The following ERGIC1 variants were observed in gnomAD, a reference collection of about 807,000 sequenced individuals.
ERGIC1 encodes endoplasmic reticulum-golgi intermediate compartment 1.
ERGIC1 carries 19 observed loss-of-function variants against 38.3 expected under a neutral mutation model. The ratio of observed to expected loss-of-function variants is 0.50; its 90% CI spans 0.35 to 0.73. The LOEUF (loss-of-function observed/expected upper bound fraction) is 0.73, where lower values mean the gene tolerates loss of function less well. Among genes scored for constraint, ERGIC1 ranks in the 30% least tolerant of loss-of-function variants. The probability of loss-of-function intolerance (pLI) is 0.01; values close to 1 mark genes in which losing one functional copy is unlikely to be tolerated. For synonymous variants in ERGIC1, 124 were observed against 157.6 expected, an observed-to-expected ratio of 0.79 and a Z score of 1.60; for missense variants, 294 against 389.2, an observed-to-expected ratio of 0.76 and a Z score of 2.06.
chr5:172,853,067 G>A (rs1258002386), intron 1 of ERGIC1, among the ~76,000 whole-genome samples: 3 of 152,010 alleles, frequency 2.0e-5, no homozygotes, highest in Middle Eastern at 3.4e-3. Flanking sequence ...GCGCCTGTGT[G>A]TATGTGTAGA....
chr5:172,843,403 CA>C (rs1282259265), intron 1 of ERGIC1, among the ~76,000 whole-genome samples: 4 of 152,212 alleles, frequency 2.6e-5, no homozygotes, highest in Admixed American at 2.6e-4. Flanking sequence ...TGGCACCTCA[CA>C]TGGTGCTATC....
intron 4 of ERGIC1, 130 bp downstream of exon 4, chr5:172,909,891 G>T (rs1488706833): frequency 2.7e-5 from 22 of 804,922 alleles, no homozygotes; most frequent in Non-Finnish European, 2.5e-5. Context: ...TTTTGGAGGA[G>T]AATATAATTG....
chr5:172,921,848 C>T (rs1399745057), intron 5 of ERGIC1, among the ~76,000 whole-genome samples: 1 of 152,244 alleles, frequency 6.6e-6, no homozygotes, highest in East Asian at 1.9e-4. Context: ...ATGCCTTTCG[C>T]TCTCTTCCTG....
intron 1 of ERGIC1, among the ~76,000 whole-genome samples, chr5:172,853,363 G>A (rs2113047509): frequency 6.6e-6 from 1 of 152,304 alleles, no homozygotes; most frequent in South Asian, 2.1e-4. Context: ...CTCCCGTGGT[G>A]GGGGTGGAGG....
chr5:172,910,520 CTTTTTTTTTTTT>C (rs58360974), intron 4 of ERGIC1, among the ~76,000 whole-genome samples: 1 of 139,010 alleles, frequency 7.2e-6, no homozygotes, highest in African/African-American at 2.8e-5. Flanking sequence ...TGAATTACTT[CTTTTTTTTTTTT>C]TTTTTTTTTG....
chr5:172,915,501 T>G lies in ERGIC1; in HGVS notation c.375+663T>G, dbSNP rs546218046. 7.4e-4 allele frequency: 336 copies of G among 456,956 alleles called. 1 individual carries two copies. The highest frequency in any genetic ancestry group is 6.3e-3 in the African/African-American group (313 of 49,944). 28.3% of individuals were successfully genotyped at this position (456,956 alleles called of 1,614,324 possible). ...CTCAGAAGGACCATTCAAGGTTCAC[T>G]GTTGTTTTGTCCTCAGAACCAGGAG... On this transcript the variant is annotated intron_variant, in intron 5 of 9. Coordinates refer to ENST00000393784, the MANE Select transcript of ERGIC1 (RefSeq NM_001031711.3).
chr5:172,930,427 C>G (rs1763753611), intron 7 of ERGIC1, among the ~76,000 whole-genome samples: 1 of 151,710 alleles, frequency 6.6e-6, no homozygotes, highest in South Asian at 2.1e-4. Flanking sequence ...ACTGCAACCT[C>G]CACCTCCCGG....
intron 9 of ERGIC1, among the ~76,000 whole-genome samples, chr5:172,945,399 G>A (rs1190721406): frequency 3.3e-5 from 5 of 152,178 alleles, no homozygotes; most frequent in East Asian, 1.9e-4. Flanking sequence ...ACACTCTTGC[G>A]GTCCTGTTCC....
intron 5 of ERGIC1, among the ~76,000 whole-genome samples, chr5:172,922,744 A>G (rs779378639): frequency 6.6e-6 from 1 of 152,260 alleles, no homozygotes; most frequent in Non-Finnish European, 1.5e-5. Context: ...GGCCACCACG[A>G]GGACATGGAC....
intron 7 of ERGIC1, among the ~76,000 whole-genome samples, chr5:172,928,251 G>C (rs531153572): frequency 6.7e-4 from 102 of 152,330 alleles, no homozygotes; most frequent in African/African-American, 2.3e-3. Flanking sequence ...TCCAGGGCTA[G>C]TGGCGAAAGC....
intron 9 of ERGIC1, chr5:172,936,154 C>G (rs542472835): frequency 1.9e-4 from 29 of 152,352 alleles, no homozygotes; most frequent in African/African-American, 7.0e-4. Flanking sequence ...TTAGTCAGGA[C>G]TCTGTTACCG....
chr5:172,933,587 C>G (rs975712925), intron 8 of ERGIC1: 2 of 152,242 alleles, frequency 1.3e-5, no homozygotes, highest in Non-Finnish European at 2.9e-5. Context: ...CTGCGAGCTG[C>G]TCTCTGTCCA....
intron 1 of ERGIC1, among the ~76,000 whole-genome samples, chr5:172,858,195 A>G (rs1418493438): frequency 6.6e-6 from 1 of 152,112 alleles, no homozygotes; most frequent in Non-Finnish European, 1.5e-5. Context: ...AGGTGGAGGG[A>G]GAGCATGGGC....
At chr5:172,842,282 T>C (rs1761180320) in intron 1 of ERGIC1, among the ~76,000 whole-genome samples, 1 of 152,244 alleles carries the variant, frequency 6.6e-6, no homozygotes, top group Admixed American at 6.5e-5. Context: ...AGTGGAATCA[T>C]GCAGTCTTCA....
Position 172,926,497 on chromosome 5 carries a change from A to G in ERGIC1, c.481-12A>G. The G allele has an allele frequency of 1.2e-6, 2 of 1,612,120 alleles. No homozygotes were observed. The highest frequency in any genetic ancestry group is 2.2e-5 in the South Asian group (2 of 91,046). On this transcript the variant is annotated splice_polypyrimidine_tract_variant and intron_variant, in intron 6 of 9. Coordinates refer to ENST00000393784, the MANE Select transcript of ERGIC1 (RefSeq NM_001031711.3). The surrounding 1 kb of genome is among the most constrained non-coding windows in gnomAD (Gnocchi z 5.2). ...GTCCTGGGGACCATCCCCTCACTGC[A>G]TTTTTCCACAGGTCCAGAACATCCA...
At chr5:172,944,563 T>A (rs918696394) in intron 9 of ERGIC1, among the ~76,000 whole-genome samples, 2 of 152,230 alleles carry the variant, frequency 1.3e-5, no homozygotes, top group African/African-American at 2.4e-5. Context: ...TTCGCCTTGT[T>A]GGCCAGGCTG....
At chr5:172,865,491 G>A (rs189836413) in intron 1 of ERGIC1, among the ~76,000 whole-genome samples, 1 of 152,346 alleles carries the variant, frequency 6.6e-6, no homozygotes, top group Non-Finnish European at 1.5e-5. Flanking sequence ...ATTGCAGATT[G>A]TAAAGTGTTC....
chr5:172,895,311 T>C (rs979421507), intron 2 of ERGIC1, among the ~76,000 whole-genome samples: 6 of 152,154 alleles, frequency 3.9e-5, no homozygotes, highest in African/African-American at 1.4e-4. Context: ...GGTACTACCA[T>C]TGCTGCCATT....
At chr5:172,937,713 G>A (rs1375545092) in intron 9 of ERGIC1, 1 of 151,940 alleles carries the variant, frequency 6.6e-6, no homozygotes, top group African/African-American at 2.4e-5. Flanking sequence ...CTATTGGACT[G>A]ACAGAAATTG....
Sources: gnomAD v4.1 joint callset for allele counts (sites outside exome capture counted in the v4.1 genomes callset) on GRCh38, gnomAD v4.1.1 for gene constraint, Gnocchi (gnomAD v3.1) non-coding constraint, MANE v1.5 for transcripts, NCBI Gene and HGNC (gene_info 2026-07-23, HGNC 2026-07-21) for gene names.